The following NCAM1 variants were observed in gnomAD, a reference collection of about 807,000 sequenced individuals.
The protein encoded by NCAM1 is antigen recognized by monoclonal antibody 5.1H11.
In NCAM1, 14 loss-of-function variants were observed where a neutral mutation model predicts 109.8. The ratio of observed to expected loss-of-function variants is 0.13; its 90% confidence interval spans 0.08 to 0.20. NCAM1 has a LOEUF of 0.20. NCAM1 is among the 10% of genes least tolerant of loss of function. The pLI is 1.00. For synonymous variants in NCAM1, 418 were observed against 442.9 expected, an observed-to-expected ratio of 0.94 and a Z score of 0.70; for missense variants, 774 against 1,109.9, an observed-to-expected ratio of 0.70 and a Z score of 4.30.
chr11:113,092,665 C>G (rs1402840500), intron 1 of NCAM1, among the ~76,000 whole-genome samples: 1 of 152,230 alleles, frequency 6.6e-6, no homozygotes, highest in Admixed American at 6.5e-5. Flanking sequence ...ATCTGATCAT[C>G]TTTTTTCCAT....
intron 1 of NCAM1, among the ~76,000 whole-genome samples, chr11:113,136,059 T>C (rs2136159751): frequency 6.6e-6 from 1 of 152,308 alleles, no homozygotes; most frequent in Middle Eastern, 3.4e-3. Flanking sequence ...GACATGTGCC[T>C]GCAGTCCCAG....
intron 1 of NCAM1, among the ~76,000 whole-genome samples, chr11:113,058,259 T>A (rs181302088): frequency 7.2e-4 from 109 of 151,884 alleles, no homozygotes; most frequent in Non-Finnish European, 1.1e-3. Context: ...ACTCCAGCCC[T>A]GGCAACAGTG....
chr11:113,195,751 C>T (rs2136790366), intron 1 of NCAM1, among the ~76,000 whole-genome samples: 1 of 152,070 alleles, frequency 6.6e-6, no homozygotes, highest in East Asian at 1.9e-4. Flanking sequence ...TGTGATCCAC[C>T]TGCCTCTGCC....
intron 1 of NCAM1, among the ~76,000 whole-genome samples, chr11:113,099,028 G>T (rs1262895879): frequency 6.6e-6 from 1 of 152,132 alleles, no homozygotes; most frequent in Non-Finnish European, 1.5e-5. Context: ...GGGAATTATT[G>T]TAAACATATT....
chr11:113,074,668 A>G (rs1591303550), intron 1 of NCAM1, among the ~76,000 whole-genome samples: 2 of 152,098 alleles, frequency 1.3e-5, no homozygotes, highest in East Asian at 1.9e-4. Context: ...GTCTCACTCT[A>G]TCACCGAGGT....
At chr11:113,191,515 C>T (rs1943672735) in intron 1 of NCAM1, among the ~76,000 whole-genome samples, 1 of 152,172 alleles carries the variant, frequency 6.6e-6, no homozygotes, top group Non-Finnish European at 1.5e-5. Flanking sequence ...GGCTGTGGAG[C>T]TGGATCTCCC....
At chr11:113,041,591 G>A (rs782623099) in intron 1 of NCAM1, among the ~76,000 whole-genome samples, 4 of 152,132 alleles carry the variant, frequency 2.6e-5, no homozygotes, top group Admixed American at 6.5e-5. Flanking sequence ...TGGTAGACCC[G>A]CTCATCAGGG....
chr11:113,105,074 G>A (rs939950478), intron 1 of NCAM1, among the ~76,000 whole-genome samples: 6 of 152,216 alleles, frequency 3.9e-5, no homozygotes, highest in African/African-American at 7.2e-5. Flanking sequence ...TGAGAAACAC[G>A]TCAAAGTTTG....
intron 1 of NCAM1, among the ~76,000 whole-genome samples, chr11:113,106,009 C>A (rs1940142331): frequency 6.6e-6 from 1 of 151,136 alleles, no homozygotes; most frequent in Non-Finnish European, 1.5e-5. Flanking sequence ...TTTGTATAAC[C>A]AGTTACACAA....
intron 1 of NCAM1, among the ~76,000 whole-genome samples, chr11:113,023,903 T>C (rs1952464948): frequency 6.6e-6 from 1 of 151,808 alleles, no homozygotes; most frequent in Non-Finnish European, 1.5e-5. Flanking sequence ...AAGATTTTGG[T>C]CTGATCTGCA....
At chr11:113,100,750 C>T (rs12293661) in intron 1 of NCAM1, among the ~76,000 whole-genome samples, 162 of 152,160 alleles carry the variant, frequency 1.1e-3, no homozygotes, top group African/African-American at 3.7e-3. Flanking sequence ...TGGCACGTGG[C>T]AGGCCAGGGT....
At chr11:113,243,802 A>G (rs547681097) in intron 14 of NCAM1, 1 of 258,620 alleles carries the variant, frequency 3.9e-6, no homozygotes, top group Admixed American at 4.2e-5. Flanking sequence ...TATGCAAAGT[A>G]TAACTCCAGC....
chr11:113,075,916 G>GT (rs1157288381), intron 1 of NCAM1, among the ~76,000 whole-genome samples: 1 of 152,138 alleles, frequency 6.6e-6, no homozygotes. Flanking sequence ...GCTTACAGCT[G>GT]TTTTTTGTAT....
intron 1 of NCAM1, among the ~76,000 whole-genome samples, chr11:113,027,256 T>C (rs1424565236): frequency 1.3e-5 from 2 of 152,226 alleles, no homozygotes; most frequent in Admixed American, 1.3e-4. Context: ...GAAAAGAAAT[T>C]TGGGATCCTA....
In NCAM1 at chr11:113,232,174, C is replaced by T; in HGVS notation, c.1245C>T (p.Ala415=). ...AGTCATTGTTATTTATTGCAGATGC[C>T]CCAAAGCTACAGGGCCCTGTGGCTG... ...SQSMYLEVQY[A]PKLQGPVAVY... The change falls in exon 11 of 20, where the codon GCC becomes GCT. Residue 415 remains alanine, a synonymous_variant. Transcript: ENST00000316851. The T allele has an allele frequency of 6.3e-7, 1 of 1,591,398 alleles. No individual in the cohort carries two copies. The highest frequency in any genetic ancestry group is 8.5e-7 in the Non-Finnish European group (1 of 1,170,656).
At chr11:113,159,611 G>T (rs1187567792) in intron 1 of NCAM1, among the ~76,000 whole-genome samples, 5 of 151,962 alleles carry the variant, frequency 3.3e-5, no homozygotes, top group African/African-American at 1.2e-4. Context: ...ATGTATTAGA[G>T]AATTATTTCT....
At chr11:113,246,336 G>A (rs782327119) in intron 14 of NCAM1, 32 bp from the exon 15 acceptor site, 31 of 736,906 alleles carry the variant, frequency 4.2e-5, no homozygotes, top group Admixed American at 3.7e-4. Flanking sequence ...GGCTTGCATG[G>A]TGCTGATGAT....
chr11:113,039,630 A>C (rs1189507596), intron 1 of NCAM1, among the ~76,000 whole-genome samples: 3 of 152,248 alleles, frequency 2.0e-5, no homozygotes, highest in Admixed American at 6.5e-5. Context: ...TTTCAGCGTC[A>C]GACCCTGGAG....
chr11:113,232,858 C>G (rs782354252), intron 12 of NCAM1, 44 bp downstream of exon 12: 4 of 1,520,168 alleles, frequency 2.6e-6, no homozygotes, highest in African/African-American at 1.4e-5. Flanking sequence ...CACAACCCCC[C>G]ACCTAACCCT....
Sources: allele counts gnomAD v4.1 joint callset (sites outside exome capture counted in the v4.1 genomes callset), GRCh38; gene constraint gnomAD v4.1.1; transcripts MANE v1.5; gene names NCBI Gene and HGNC (gene_info 2026-07-23, HGNC 2026-07-21).